The following KCNQ1 variants were observed in gnomAD, a reference collection of about 807,000 sequenced individuals.
KCNQ1 encodes the protein potassium voltage-gated channel subfamily KQT member 1.
In KCNQ1, 49 loss-of-function variants were observed where a neutral mutation model predicts 72.4. The observed-to-expected ratio is 0.68, with a 90% CI of 0.54 to 0.86. The LOEUF (loss-of-function observed/expected upper bound fraction) is 0.86, where lower values mean the gene tolerates loss of function less well. Ranked by LOEUF, KCNQ1 falls within the 40% of genes least tolerant of loss-of-function variation. The pLI is 0.00. For synonymous variants in KCNQ1, 450 were observed against 412.6 expected (o/e 1.09, Z -1.10); for missense variants, 790 against 945.1 (o/e 0.84, Z 2.15).
At position 2,565,235 on chromosome 11, in the gene KCNQ1, TC is replaced by T. The variant is rs922742234; in HGVS notation, c.478-5388del. On this transcript the variant is annotated intron_variant, in intron 2 of 15. Transcript: ENST00000155840. The surrounding 1 kb of genome is among the most constrained non-coding windows in gnomAD (Gnocchi z 5.6). Reference sequence around the variant, plus strand: ...TTTAAAGGAGCTGTGGCATTCTACATCCCCCAGCAGCACACAAGGTCCCAAC... The same window carrying T: ...TTTAAAGGAGCTGTGGCATTCTACATCCCCAGCAGCACACAAGGTCCCAAC... Among the ~76,000 whole-genome samples the T allele has an allele frequency of 3.9e-5, 6 of 152,124 alleles. No homozygotes were observed. Among genetic ancestry groups the T allele is most frequent in the Non-Finnish European group, 4.4e-5 (3 of 68,022 alleles).
At chr11:2,831,662 T>G in intron 15 of KCNQ1, among the ~76,000 whole-genome samples, 1 of 81,910 alleles carries the variant, frequency 1.2e-5, no homozygotes, top group Non-Finnish European at 2.5e-5. Flanking sequence ...CCCTTTCCCC[T>G]TCCCCACCAC....
At chr11:2,560,968 C>T (rs868114356) in intron 2 of KCNQ1, among the ~76,000 whole-genome samples, 85 of 151,982 alleles carry the variant, frequency 5.6e-4, no homozygotes, top group Admixed American at 1.3e-3. Flanking sequence ...TTTGGGAGGC[C>T]GAGGCGGGCG....
chr11:2,675,826 T>A (rs1377046226), intron 11 of KCNQ1: 1 of 398,586 alleles, frequency 2.5e-6, no homozygotes, highest in East Asian at 3.6e-5. Flanking sequence ...GGCTGCACAC[T>A]GCCCTACCGT....
intron 1 of KCNQ1, among the ~76,000 whole-genome samples, chr11:2,449,891 G>A (rs578166274): frequency 1.7e-4 from 26 of 152,286 alleles, no homozygotes; most frequent in Non-Finnish European, 1.6e-4. Flanking sequence ...CGAGTCCTAG[G>A]GATGCTGTTA....
chr11:2,718,615 C>T (rs1851141389), intron 11 of KCNQ1, among the ~76,000 whole-genome samples: 2 of 152,194 alleles, frequency 1.3e-5, no homozygotes, highest in African/African-American at 4.8e-5. Context: ...GTCCAGAAGT[C>T]GTCTACGTGC....
At chr11:2,496,465 TAA>T (rs202080434) in intron 1 of KCNQ1, among the ~76,000 whole-genome samples, 125 of 132,410 alleles carry the variant, frequency 9.4e-4, no homozygotes, top group Middle Eastern at 8.7e-3. Flanking sequence ...AAAATAAAAT[TAA>T]AAAAAATGGC....
chr11:2,587,526 G>T (rs370535897), intron 8 of KCNQ1, 44 bp from the exon 9 acceptor site: 15 of 1,612,530 alleles, frequency 9.3e-6, no homozygotes, highest in Middle Eastern at 3.3e-4. Context: ...GGCCCCCGCC[G>T]GGTGGCTCAG....
rs3216307 is a variant in KCNQ1 at position 2,719,500 on chromosome 11, C to CA, written c.1515-49333dup. ...ACTCAAAAACAAACAAACAAACAAA[C>CA]AAAAAAAAAAACCATTATCACCCCC... On this transcript the variant is annotated intron_variant, in intron 11 of 15. Transcript: ENST00000155840. 1.2e-3 allele frequency among the ~76,000 whole-genome samples: 168 copies of CA among 144,342 alleles called. 1 individual carries two copies. The South Asian group carries it at 0.013, about 11-fold the overall frequency. 94.7% of individuals were successfully genotyped at this position (144,342 alleles called of 152,430 possible).
intron 15 of KCNQ1, among the ~76,000 whole-genome samples, chr11:2,843,571 C>T (rs1564914424): frequency 1.3e-5 from 2 of 152,252 alleles, no homozygotes; most frequent in Admixed American, 6.5e-5. Context: ...CGGGTGTGCC[C>T]GGCCTCTCCC....
chr11:2,515,332 G>T lies in KCNQ1; in HGVS notation c.387-12596G>T, dbSNP rs147607199. 1.3e-5 allele frequency among the ~76,000 whole-genome samples: 2 copies of T among 152,176 alleles called. No homozygotes were observed. The highest frequency in any genetic ancestry group is 2.9e-5 in the Non-Finnish European group (2 of 68,038). ...AGGATCATGGTCTCCAGATCCATCC[G>T]TGTTGCTGCAAAGGACATGATTTCA... On this transcript the variant is annotated intron_variant, in intron 1 of 15. Transcript: ENST00000155840. This position sits in a 1 kb window ranked among gnomAD's most constrained non-coding sequence, Gnocchi z 4.7.
chr11:2,695,512 C>A lies in KCNQ1; in HGVS notation c.1514+33431C>A. On this transcript the variant is annotated intron_variant, in intron 11 of 15. Transcript: ENST00000155840. This position sits in a 1 kb window ranked among gnomAD's most constrained non-coding sequence, Gnocchi z 5.2. ...TGTACATCTAGTCCCCTGCTCCTAA[C>A]CACAGTGACCAGCTCCAACTGCCCA... 2.5e-6 allele frequency: 1 copy of A among 398,684 alleles called. No homozygotes were observed. Among genetic ancestry groups the A allele is most frequent in the Non-Finnish European group, 4.4e-6 (1 of 226,122 alleles). The allele number at this position is 398,684 out of a possible 1,614,324, so 24.7% of individuals were successfully genotyped here.
Position 2,563,405 on chromosome 11 carries a change from C to T in KCNQ1, c.478-7223C>T, listed in dbSNP as rs1044499221. Among the ~76,000 whole-genome samples the T allele has an allele frequency of 1.3e-5, 2 of 152,196 alleles. No homozygotes were observed. Among genetic ancestry groups the T allele is most frequent in the African/African-American group, 4.8e-5 (2 of 41,456 alleles). ...TAGACCCTTGCTGGCCCTCCGGCTT[C>T]GGGCAGGTCTCCTCTTTATGCCACT... On this transcript the variant is annotated intron_variant, in intron 2 of 15. Coordinates refer to ENST00000155840, the MANE Select transcript of KCNQ1 (RefSeq NM_000218.3). The surrounding 1 kb of genome is among the most constrained non-coding windows in gnomAD (Gnocchi z 7.4).
chr11:2,455,124 G>A (rs935603243), intron 1 of KCNQ1, among the ~76,000 whole-genome samples: 1 of 149,196 alleles, frequency 6.7e-6, no homozygotes, highest in Non-Finnish European at 1.5e-5. Context: ...TTGAGATGGA[G>A]TCTCACTCTG....
rs549064141 is a variant in KCNQ1 at position 2,713,684 on chromosome 11, C to T, written c.1514+51603C>T. Among the ~76,000 whole-genome samples the T allele has an allele frequency of 6.6e-6, 1 of 152,200 alleles. No individual in the cohort carries two copies. The highest frequency in any genetic ancestry group is 1.5e-5 in the Non-Finnish European group (1 of 68,000). On this transcript the variant is annotated intron_variant, in intron 11 of 15. Coordinates refer to ENST00000155840, the MANE Select transcript of KCNQ1 (RefSeq NM_000218.3). This position sits in a 1 kb window ranked among gnomAD's most constrained non-coding sequence, Gnocchi z 5.6. Reference sequence around the variant, plus strand: ...GCCACAGGCTCTGCGGGCCTCTGGCCGAGCTGGGTTGCAGGAGAAGCCAAG... The same window carrying T: ...GCCACAGGCTCTGCGGGCCTCTGGCTGAGCTGGGTTGCAGGAGAAGCCAAG...
At chr11:2,814,207 T>TGAATGGGTAGATGGAGAGATGCAG (rs1847558028) in intron 15 of KCNQ1, among the ~76,000 whole-genome samples, 1 of 141,054 alleles carries the variant, frequency 7.1e-6, no homozygotes, top group African/African-American at 2.7e-5. Flanking sequence ...GAGAGATGCA[T>TGAATGGGTAGATGGAGAGATGCAG]GAATGGATAG....
In KCNQ1 at chr11:2,458,721, A is replaced by G. The variant is rs1846232069; in HGVS notation, c.386+13237A>G. Reference sequence around the variant, plus strand: ...TCACCAAGCCTCGTGCTCTAAGTACAAGTTTACTGGAAATACTCGGGCCAG... The same window carrying G: ...TCACCAAGCCTCGTGCTCTAAGTACGAGTTTACTGGAAATACTCGGGCCAG... On this transcript the variant is annotated intron_variant, in intron 1 of 15. Coordinates refer to ENST00000155840, the MANE Select transcript of KCNQ1 (RefSeq NM_000218.3). The surrounding 1 kb of genome is among the most constrained non-coding windows in gnomAD (Gnocchi z 4.6). 6.6e-6 allele frequency among the ~76,000 whole-genome samples: 1 copy of G among 152,154 alleles called. No individual in the cohort carries two copies. The highest frequency in any genetic ancestry group is 6.5e-5 in the Admixed American group (1 of 15,274).
chr11:2,724,354 C>G lies in KCNQ1; in HGVS notation c.1515-44490C>G, dbSNP rs1277672624. ...TCAGGAGTGACAGCGTCCTCCCGCC[C>G]GGATTGGGTTTCTGCACAGTGGAAT... On this transcript the variant is annotated intron_variant, in intron 11 of 15. Transcript: ENST00000155840. This position sits in a 1 kb window ranked among gnomAD's most constrained non-coding sequence, Gnocchi z 6.8. Among the ~76,000 whole-genome samples the G allele has an allele frequency of 6.6e-6, 1 of 152,164 alleles. No individual in the cohort carries two copies. The highest frequency in any genetic ancestry group is 2.4e-5 in the African/African-American group (1 of 41,436).
chr11:2,457,680 C>T lies in KCNQ1; in HGVS notation c.386+12196C>T, dbSNP rs930405774. On this transcript the variant is annotated intron_variant, in intron 1 of 15. Coordinates refer to ENST00000155840, the MANE Select transcript of KCNQ1 (RefSeq NM_000218.3). This position sits in a 1 kb window ranked among gnomAD's most constrained non-coding sequence, Gnocchi z 5.0. ...TGAAAAGTTACCTGTGGGTGCTGTG[C>T]GCACTACGTGGGAGACCGGATCGTT... Among the ~76,000 whole-genome samples, 63 of 152,180 alleles carry T rather than the reference C, an allele frequency of 4.1e-4. No individual in the cohort carries two copies. The highest frequency in any genetic ancestry group is 3.4e-3 in the Middle Eastern group (1 of 294).
At chr11:2,532,385 C>T (rs989061287) in intron 2 of KCNQ1, among the ~76,000 whole-genome samples, 3 of 152,228 alleles carry the variant, frequency 2.0e-5, no homozygotes, top group East Asian at 1.9e-4. Context: ...ATGGAGACAC[C>T]CTCCCACTCG....
Sources: allele counts gnomAD v4.1 joint callset (sites outside exome capture counted in the v4.1 genomes callset), GRCh38; gene constraint gnomAD v4.1.1; non-coding constraint Gnocchi (gnomAD v3.1); transcripts MANE v1.5; gene names NCBI Gene and HGNC (gene_info 2026-07-23, HGNC 2026-07-21).